The following ZFAT variants were observed in gnomAD, a reference collection of about 807,000 sequenced individuals.
ZFAT encodes the protein zinc finger and AT-hook domain containing, also known as zinc finger protein ZFAT.
A neutral mutation model predicts 117.7 loss-of-function variants in ZFAT; 64 were observed. The ratio of observed to expected loss-of-function variants is 0.54; its 90% CI spans 0.44 to 0.67. The LOEUF (loss-of-function observed/expected upper bound fraction) is 0.67. ZFAT is among the 30% of genes least tolerant of loss of function. ZFAT has a pLI of 0.00. For missense variants in ZFAT, 1,433 were observed against 1,584.5 expected (o/e 0.90, Z 1.62); for synonymous variants, 679 against 615.0 (o/e 1.10, Z -1.54).
At chr8:134,813,416 C>A in the ZFAT span, among the ~76,000 whole-genome samples, 1 of 152,190 alleles carries the variant, frequency 6.6e-6, no homozygotes, top group East Asian at 1.9e-4. Flanking sequence ...CTATTGCCAT[C>A]TAATTCTTTT....
chr8:134,814,993 A>G, the ZFAT span, among the ~76,000 whole-genome samples: 1 of 152,228 alleles, frequency 6.6e-6, no homozygotes, highest in Non-Finnish European at 1.5e-5. Flanking sequence ...GAATCACTTA[A>G]CCCCTTTGAA....
chr8:134,496,853 C>T (rs755964242), intron 15 of ZFAT, among the ~76,000 whole-genome samples: 5 of 152,164 alleles, frequency 3.3e-5, no homozygotes, highest in Non-Finnish European at 7.4e-5. Flanking sequence ...GAGCTTCTGC[C>T]CCTCTGAAAA....
intron 15 of ZFAT, among the ~76,000 whole-genome samples, chr8:134,481,514 A>C (rs924360961): frequency 6.6e-6 from 1 of 152,220 alleles, no homozygotes; most frequent in African/African-American, 2.4e-5. Flanking sequence ...GAAATTTTCC[A>C]CTGGCTAAAA....
chr8:134,522,902 T>C (rs1820762925), intron 12 of ZFAT, among the ~76,000 whole-genome samples: 1 of 152,198 alleles, frequency 6.6e-6, no homozygotes, highest in East Asian at 1.9e-4. Flanking sequence ...TGCTTCACAA[T>C]GAGAATATCA....
chr8:134,502,296 C>T (rs1350937087), intron 15 of ZFAT, among the ~76,000 whole-genome samples: 1 of 152,204 alleles, frequency 6.6e-6, no homozygotes, highest in African/African-American at 2.4e-5. Context: ...CTACCAGGAG[C>T]CCTTGTCCAG....
intron 2 of ZFAT, among the ~76,000 whole-genome samples, chr8:134,638,106 A>G (rs1279160613): frequency 6.6e-6 from 1 of 152,204 alleles, no homozygotes; most frequent in Non-Finnish European, 1.5e-5. Context: ...GCGTTCTCAA[A>G]GGCTGCTGAG....
In ZFAT at chr8:134,687,774, T is replaced by A. The variant is rs187414698; in HGVS notation, c.19+25071A>T. Among the ~76,000 whole-genome samples the A allele has an allele frequency of 3.0e-3, 458 of 151,928 alleles. 3 individuals carry two copies. The highest frequency in any genetic ancestry group is 4.1e-3 in the Non-Finnish European group (276 of 67,942). ...CACATCAAAAGTAAAAGGAGCAAAA[T>A]CCTCTCCCATTTTCTAGAGTACTGG... is the stretch of plus-strand genomic sequence containing the variant. On this transcript the variant is annotated intron_variant, in intron 1 of 15. Coordinates refer to ENST00000377838, the MANE Select transcript of ZFAT (RefSeq NM_020863.4).
intron 3 of ZFAT, among the ~76,000 whole-genome samples, chr8:134,620,566 A>C (rs912336185): frequency 6.6e-6 from 1 of 152,220 alleles, no homozygotes. Context: ...AGAAAGCCAG[A>C]GTTCTGTTCA....
At chr8:134,755,820 AAAAAAAAAAAAAAAAAG>A in the ZFAT span, among the ~76,000 whole-genome samples, 3 of 138,140 alleles carry the variant, frequency 2.2e-5, no homozygotes, top group African/African-American at 9.1e-5. Context: ...TCCATCTCAA[AAAAAAAAAAAAAAAAAG>A]AAAAAGAAAA....
intron 11 of ZFAT, among the ~76,000 whole-genome samples, chr8:134,549,793 A>C (rs1822996103): frequency 6.6e-6 from 1 of 152,202 alleles, no homozygotes; most frequent in Admixed American, 6.5e-5. Context: ...ACAATGTGGG[A>C]AACTGGTGCA....
the ZFAT span, chr8:134,805,059 G>A: frequency 9.9e-6 from 3 of 303,560 alleles, no homozygotes; most frequent in East Asian, 1.1e-4. Flanking sequence ...GTGACATCTT[G>A]AAACAAAAAT....
At chr8:134,583,171 C>T (rs1308151787) in intron 10 of ZFAT, among the ~76,000 whole-genome samples, 1 of 152,090 alleles carries the variant, frequency 6.6e-6, no homozygotes, top group East Asian at 1.9e-4. Flanking sequence ...CATCACTGCA[C>T]TTACCTTTAC....
chr8:134,563,216 T>C (rs866990566), intron 11 of ZFAT, among the ~76,000 whole-genome samples: 66 of 152,240 alleles, frequency 4.3e-4, no homozygotes, highest in African/African-American at 1.4e-3. Flanking sequence ...ATATGAGTCC[T>C]ACCTAAGAAA....
In ZFAT at chr8:134,583,909, T is replaced by C; in HGVS notation, c.2810A>G (p.His937Arg). Reference sequence around the variant, plus strand: ...TTTCTTGCCACACATGTCACATAGGTGGGTTTTCTCAGTGCTGTGACGATT... The same window carrying C: ...TTTCTTGCCACACATGTCACATAGGCGGGTTTTCTCAGTGCTGTGACGATT... ...HMNRHSTEKT[H>R]LCDMCGKKFK... Residue 937 changes from histidine to arginine, a missense_variant, in exon 10 of 16, where the codon CAC becomes CGC. By Grantham distance (29) the His-to-Arg change is conservative. Coordinates refer to ENST00000377838, the MANE Select transcript of ZFAT (RefSeq NM_020863.4). 1 of 1,610,086 alleles carries C rather than the reference T, an allele frequency of 6.2e-7. No homozygotes were observed. Among genetic ancestry groups the C allele is most frequent in the East Asian group, 2.2e-5 (1 of 44,802 alleles).
intron 11 of ZFAT, among the ~76,000 whole-genome samples, chr8:134,562,611 C>A (rs968008223): frequency 1.6e-4 from 25 of 152,160 alleles, no homozygotes; most frequent in African/African-American, 5.1e-4. Flanking sequence ...ATCTCATTCC[C>A]ATCTATAGTA....
At chr8:134,521,302 T>C (rs913044555) in intron 12 of ZFAT, among the ~76,000 whole-genome samples, 2 of 152,248 alleles carry the variant, frequency 1.3e-5, no homozygotes, top group African/African-American at 2.4e-5. Context: ...ATAATTCCCT[T>C]GGCCAGTGGG....
chr8:134,531,690 C>T (rs1027983697), intron 12 of ZFAT, among the ~76,000 whole-genome samples: 4 of 152,190 alleles, frequency 2.6e-5, no homozygotes, highest in Non-Finnish European at 4.4e-5. Context: ...ATAAAACTGC[C>T]ATTAAGAAAA....
chr8:134,715,601 TAATG>T (rs1364011558), upstream of ZFAT, among the ~76,000 whole-genome samples: 4 of 152,238 alleles, frequency 2.6e-5, no homozygotes, highest in Admixed American at 6.5e-5. Flanking sequence ...TGCCTTCAAT[TAATG>T]AAGACACATT....
chr8:134,624,605 C>T (rs575833373), intron 3 of ZFAT, among the ~76,000 whole-genome samples: 4 of 151,960 alleles, frequency 2.6e-5, no homozygotes, highest in African/African-American at 7.3e-5. Flanking sequence ...TGCAATGAGC[C>T]GAGGTCGCAC....
Sources: gnomAD v4.1 joint callset for allele counts (sites outside exome capture counted in the v4.1 genomes callset) on GRCh38, gnomAD v4.1.1 for gene constraint, MANE v1.5 for transcripts, NCBI Gene and HGNC (gene_info 2026-07-23, HGNC 2026-07-21) for gene names.